Variants in ADCK1 observed in about 807,000 individuals in gnomAD.
The protein encoded by ADCK1 is aarF domain containing kinase 1.
ADCK1 carries 41 observed loss-of-function variants against 52.3 expected under a neutral mutation model. The ratio of observed to expected loss-of-function variants is 0.78; its 90% CI spans 0.61 to 1.02. ADCK1 has a LOEUF of 1.02. Ranked by LOEUF, ADCK1 falls within the 50% of genes least tolerant of loss-of-function variation. ADCK1 has a pLI of 0.00. For missense variants in ADCK1, 658 were observed against 679.5 expected (o/e 0.97, Z 0.35); for synonymous variants, 250 against 274.6 (o/e 0.91, Z 0.89).
intron 4 of ADCK1, among the ~76,000 whole-genome samples, chr14:77,873,914 C>G (rs951248772): frequency 6.6e-6 from 1 of 152,218 alleles, no homozygotes. Flanking sequence ...ATACACTGGG[C>G]TACCATTAGG....
rs559006472 is a variant in ADCK1, at chr14:77,895,644, A to G, written c.583-3456A>G. 1.2e-3 allele frequency among the ~76,000 whole-genome samples: 177 copies of G among 152,260 alleles called. 2 individuals are homozygous for G. Among genetic ancestry groups the G allele is most frequent in the Non-Finnish European group, 1.9e-3 (126 of 68,046 alleles). On this transcript the variant is annotated intron_variant, in intron 5 of 10. Coordinates refer to ENST00000238561, the MANE Select transcript of ADCK1 (RefSeq NM_020421.4). Reference sequence around the variant, plus strand: ...TGCTTAAGGTGGGCTAAGTAGATTCATTTAAGAAGGGAGTTGAATGAAACC... The same window carrying G: ...TGCTTAAGGTGGGCTAAGTAGATTCGTTTAAGAAGGGAGTTGAATGAAACC...
intron 3 of ADCK1, among the ~76,000 whole-genome samples, chr14:77,828,256 G>C (rs1418698448): frequency 6.6e-6 from 1 of 152,108 alleles, no homozygotes; most frequent in Non-Finnish European, 1.5e-5. Flanking sequence ...AAGCCACCAT[G>C]TTTGGCCAGC....
At chr14:77,847,812 A>G (rs1009939775) in intron 3 of ADCK1, among the ~76,000 whole-genome samples, 7 of 152,094 alleles carry the variant, frequency 4.6e-5, no homozygotes, top group Non-Finnish European at 7.4e-5. Context: ...ATCTGTTTCT[A>G]TAACGAGGCC....
chr14:77,869,207 A>T (rs963646932), intron 4 of ADCK1, among the ~76,000 whole-genome samples: 3 of 152,082 alleles, frequency 2.0e-5, no homozygotes, highest in Non-Finnish European at 2.9e-5. Flanking sequence ...TTAAACAACA[A>T]ATGTATTGTC....
intron 3 of ADCK1, among the ~76,000 whole-genome samples, chr14:77,843,218 C>T (rs1594920659): frequency 6.6e-6 from 1 of 152,206 alleles, no homozygotes; most frequent in Non-Finnish European, 1.5e-5. Context: ...TTCTTTCCCA[C>T]CAGCCCCCAA....
chr14:77,872,140 T>G (rs1355939590), intron 4 of ADCK1, among the ~76,000 whole-genome samples: 1 of 152,200 alleles, frequency 6.6e-6, no homozygotes, highest in African/African-American at 2.4e-5. Flanking sequence ...TTAGATGTTT[T>G]CAAACACATG....
chr14:77,920,806 C>T (rs2084031957), intron 7 of ADCK1, among the ~76,000 whole-genome samples: 1 of 152,028 alleles, frequency 6.6e-6, no homozygotes, highest in Admixed American at 6.5e-5. Context: ...TGCTCCACCA[C>T]ACCTGGCTGA....
At chr14:77,896,672 G>A (rs567611002) in intron 5 of ADCK1, among the ~76,000 whole-genome samples, 2 of 152,336 alleles carry the variant, frequency 1.3e-5, no homozygotes, top group South Asian at 4.1e-4. Context: ...TGGAGGCTGC[G>A]GTGCCCAGGT....
intron 7 of ADCK1, among the ~76,000 whole-genome samples, chr14:77,916,441 A>G (rs1409456682): frequency 6.6e-6 from 1 of 152,090 alleles, no homozygotes; most frequent in Non-Finnish European, 1.5e-5. Context: ...GATTTTACTC[A>G]GCATCTCTTC....
intron 5 of ADCK1, among the ~76,000 whole-genome samples, chr14:77,895,947 C>G (rs939614232): frequency 2.6e-5 from 4 of 152,102 alleles, no homozygotes; most frequent in African/African-American, 9.7e-5. Flanking sequence ...TCAAAGAACC[C>G]CCTTCATTTT....
chr14:77,925,655 A>T, intron 8 of ADCK1, 109 bp from the exon 9 acceptor site: 1 of 1,064,128 alleles, frequency 9.4e-7, no homozygotes, highest in Non-Finnish European at 1.4e-6. Flanking sequence ...ATGTCGTGGG[A>T]AGGCACAGTC....
chr14:77,860,599 C>T (rs964035111), intron 4 of ADCK1, among the ~76,000 whole-genome samples: 3 of 152,162 alleles, frequency 2.0e-5, no homozygotes, highest in Admixed American at 1.3e-4. Flanking sequence ...AACATGTCCT[C>T]CAAAGGGAGA....
At chr14:77,854,030 A>G (rs2082366662) in intron 3 of ADCK1, among the ~76,000 whole-genome samples, 1 of 152,140 alleles carries the variant, frequency 6.6e-6, no homozygotes, top group Admixed American at 6.5e-5. Context: ...TTCCTTGCCT[A>G]ATGTCAAGTG....
At chr14:77,815,155 C>G (rs908551353) in intron 1 of ADCK1, among the ~76,000 whole-genome samples, 3 of 150,226 alleles carry the variant, frequency 2.0e-5, no homozygotes, top group Non-Finnish European at 3.0e-5. Context: ...CAAGCCTGGC[C>G]CAGGAATCTA....
intron 1 of ADCK1, among the ~76,000 whole-genome samples, chr14:77,804,721 G>A (rs2081182936): frequency 6.6e-6 from 1 of 152,180 alleles, no homozygotes; most frequent in South Asian, 2.1e-4. Flanking sequence ...AGGCCTCACT[G>A]GCTGTAGTTT....
chr14:77,881,382 CTTT>C (rs2083018635), intron 4 of ADCK1, among the ~76,000 whole-genome samples: 1 of 152,224 alleles, frequency 6.6e-6, no homozygotes, highest in South Asian at 2.1e-4. Context: ...TCGTCACAGC[CTTT>C]ATGACTAGGT....
At chr14:77,895,499 A>C (rs2083389652) in intron 5 of ADCK1, among the ~76,000 whole-genome samples, 1 of 152,256 alleles carries the variant, frequency 6.6e-6, no homozygotes, top group Non-Finnish European at 1.5e-5. Context: ...ATTGGCTGTT[A>C]GAAGAATTTT....
intron 2 of ADCK1, among the ~76,000 whole-genome samples, chr14:77,822,124 C>T (rs973054921): frequency 6.6e-6 from 1 of 152,096 alleles, no homozygotes. Context: ...TAGGAAGAGA[C>T]AGTTCATAAA....
chr14:77,918,585 G>A (rs1188388625), intron 7 of ADCK1, among the ~76,000 whole-genome samples: 1 of 152,044 alleles, frequency 6.6e-6, no homozygotes, highest in African/African-American at 2.4e-5. Flanking sequence ...ATGGCCTTAG[G>A]TTGCTCCTCA....
Sources: allele counts gnomAD v4.1 joint callset (sites outside exome capture counted in the v4.1 genomes callset), GRCh38; gene constraint gnomAD v4.1.1; transcripts MANE v1.5; gene names NCBI Gene and HGNC (gene_info 2026-07-23, HGNC 2026-07-21).